Variants in GABRB2 observed in about 807,000 individuals in gnomAD.
GABRB2 encodes the protein gamma-aminobutyric acid type A receptor subunit beta2.
In GABRB2, 16 loss-of-function variants were observed where a neutral mutation model predicts 54.7. That is an observed-to-expected ratio of 0.29 (90% CI 0.20 to 0.44). GABRB2 has a LOEUF of 0.44. GABRB2 is among the 20% of genes least tolerant of loss of function. The probability of loss-of-function intolerance (pLI) is 1.00; values close to 1 mark genes in which losing one functional copy is unlikely to be tolerated. For synonymous variants in GABRB2, 244 were observed against 233.8 expected (o/e 1.04, Z -0.40); for missense variants, 355 against 644.0 (o/e 0.55, Z 4.86).
chr5:161,429,898 C>T (rs1272727372), intron 4 of GABRB2, among the ~76,000 whole-genome samples: 1 of 152,086 alleles, frequency 6.6e-6, no homozygotes, highest in African/African-American at 2.4e-5. Context: ...ATCAATTTCC[C>T]AGCTTTAGCT....
intron 2 of GABRB2, among the ~76,000 whole-genome samples, 169 bp downstream of exon 2, chr5:161,546,153 G>A (rs1313415632): frequency 6.6e-6 from 1 of 152,158 alleles, no homozygotes; most frequent in African/African-American, 2.4e-5. Context: ...GGAAGTGGTG[G>A]GTAGCAATAA....
intron 5 of GABRB2, among the ~76,000 whole-genome samples, chr5:161,343,543 G>A (rs940254879): frequency 5.3e-5 from 8 of 151,996 alleles, no homozygotes; most frequent in Non-Finnish European, 1.2e-4. Context: ...AAGGTGATCT[G>A]GTGGCTGTTT....
intron 5 of GABRB2, among the ~76,000 whole-genome samples, chr5:161,358,618 G>A (rs1309423629): frequency 2.0e-5 from 3 of 152,174 alleles, no homozygotes; most frequent in African/African-American, 7.2e-5. Context: ...ATATTTAGAT[G>A]GAAGCATGAG....
intron 3 of GABRB2, among the ~76,000 whole-genome samples, chr5:161,460,953 A>T (rs1046954761): frequency 6.6e-6 from 1 of 152,138 alleles, no homozygotes; most frequent in Admixed American, 6.6e-5. Context: ...TGCTGAGCAG[A>T]GGGGAATCTG....
rs139584055 is a variant in GABRB2, at chr5:161,298,472, C to G, written c.1192-4044G>C. ...CCCAAACTTCTGGCATGGCACCTGGCACATAGCAGATGCTCAATAAGTAAA... is the reference window on the plus strand; with the variant it reads ...CCCAAACTTCTGGCATGGCACCTGGGACATAGCAGATGCTCAATAAGTAAA... On this transcript the variant is annotated intron_variant, in intron 9 of 9. Transcript: ENST00000393959. 1.4e-4 allele frequency among the ~76,000 whole-genome samples: 22 copies of G among 152,318 alleles called. No individual in the cohort carries two copies. The East Asian group carries it at 3.9e-3, about 27-fold the overall frequency.
chr5:161,452,594 T>A (rs1387571636), intron 4 of GABRB2, among the ~76,000 whole-genome samples: 1 of 152,162 alleles, frequency 6.6e-6, no homozygotes, highest in Non-Finnish European at 1.5e-5. Flanking sequence ...TGCTTTCTAT[T>A]TAATATTTGG....
intron 3 of GABRB2, among the ~76,000 whole-genome samples, chr5:161,505,413 G>T (rs1421640595): frequency 6.6e-6 from 1 of 152,072 alleles, no homozygotes; most frequent in Non-Finnish European, 1.5e-5. Context: ...TTACAGGCGT[G>T]AGCCACCGCA....
intron 3 of GABRB2, among the ~76,000 whole-genome samples, chr5:161,496,797 A>G (rs1759262046): frequency 6.6e-6 from 1 of 152,136 alleles, no homozygotes; most frequent in Non-Finnish European, 1.5e-5. Context: ...TTTCTTTGTA[A>G]CATTTTTTTC....
intron 3 of GABRB2, among the ~76,000 whole-genome samples, chr5:161,536,682 C>T (rs1392973411): frequency 1.3e-5 from 2 of 152,112 alleles, no homozygotes; most frequent in Non-Finnish European, 2.9e-5. Context: ...CTACAACCTC[C>T]GCCTCCCAGG....
chr5:161,448,158 C>T (rs939672136), intron 4 of GABRB2, among the ~76,000 whole-genome samples: 2 of 152,128 alleles, frequency 1.3e-5, no homozygotes, highest in Non-Finnish European at 2.9e-5. Context: ...AATAGTCGCT[C>T]ATGCCTGTAA....
At chr5:161,419,297 A>T (rs924800800) in intron 4 of GABRB2, among the ~76,000 whole-genome samples, 15 of 152,248 alleles carry the variant, frequency 9.9e-5, no homozygotes, top group African/African-American at 3.4e-4. Context: ...ATTATGAAAA[A>T]GTAAAAAATA....
intron 5 of GABRB2, among the ~76,000 whole-genome samples, chr5:161,382,713 T>C (rs1292255276): frequency 1.3e-5 from 2 of 152,180 alleles, no homozygotes; most frequent in Admixed American, 1.3e-4. Context: ...TGTGACTTGT[T>C]ATGTGTCTGT....
At chr5:161,294,532 TA>T (rs1002482942) in intron 9 of GABRB2, 104 bp from the exon 10 acceptor site, 2 of 896,570 alleles carry the variant, frequency 2.2e-6, no homozygotes, top group African/African-American at 3.3e-5. Flanking sequence ...ATAGGAGTGG[TA>T]AAGAGAGCTA....
At chr5:161,450,284 A>C (rs561121799) in intron 4 of GABRB2, among the ~76,000 whole-genome samples, 16 of 152,284 alleles carry the variant, frequency 1.1e-4, no homozygotes, top group African/African-American at 3.8e-4. Context: ...CGTAGCCAAC[A>C]GTCAAGGAGA....
upstream of GABRB2, chr5:161,548,282 C>G (rs1381096420): frequency 6.6e-6 from 1 of 152,298 alleles, no homozygotes; most frequent in African/African-American, 2.4e-5. Context: ...TCCCTCCGCT[C>G]CAGGGAAAGA....
chr5:161,296,581 T>C (rs1233484152), intron 9 of GABRB2, among the ~76,000 whole-genome samples: 1 of 152,200 alleles, frequency 6.6e-6, no homozygotes, highest in African/African-American at 2.4e-5. Context: ...TCTTAGTGGG[T>C]TTCTGTTTCA....
chr5:161,341,992 T>C (rs375099663), intron 5 of GABRB2, among the ~76,000 whole-genome samples: 6 of 145,524 alleles, frequency 4.1e-5, no homozygotes, highest in South Asian at 4.3e-4. Context: ...TTATTTTTTC[T>C]AGTGGGAAAT....
chr5:161,395,959 C>T (rs1450243894), intron 5 of GABRB2, among the ~76,000 whole-genome samples: 1 of 152,082 alleles, frequency 6.6e-6, no homozygotes, highest in Non-Finnish European at 1.5e-5. Context: ...AGTGGAAGGT[C>T]CAGGAAATAA....
chr5:161,495,476 AT>A lies in GABRB2; in HGVS notation c.238-35633del, dbSNP rs557846201. On this transcript the variant is annotated intron_variant, in intron 3 of 9. Transcript: ENST00000393959. ...CCTTCTATTTCACTGATTTTAATGA[AT>A]TTTTTTAATGATTTTTTTCTAATAA... 2.2e-3 allele frequency among the ~76,000 whole-genome samples: 339 copies of A among 152,122 alleles called. 1 individual carries two copies. The highest frequency in any genetic ancestry group is 0.013 in the South Asian group (63 of 4,822).
Sources: gnomAD v4.1 joint callset for allele counts (sites outside exome capture counted in the v4.1 genomes callset) on GRCh38, gnomAD v4.1.1 for gene constraint, MANE v1.5 for transcripts, NCBI Gene and HGNC (gene_info 2026-07-23, HGNC 2026-07-21) for gene names.